The following C18orf54 variants were observed in gnomAD, a reference collection of about 807,000 sequenced individuals.
C18orf54 encodes lung adenoma susceptibility protein 2.
A neutral mutation model predicts 49.3 loss-of-function variants in C18orf54; 49 were observed. The observed-to-expected ratio is 0.99, with a 90% CI of 0.79 to 1.26. C18orf54 has a LOEUF of 1.26. C18orf54 is among the 50% of genes most tolerant of loss of function. The pLI is 0.00. For missense variants in C18orf54, 687 were observed against 620.6 expected (o/e 1.11, Z -1.14); for synonymous variants, 211 against 216.6 (o/e 0.97, Z 0.23).
At chr18:54,364,195 C>G (rs949708780) in intron 5 of C18orf54, among the ~76,000 whole-genome samples, 2 of 151,790 alleles carry the variant, frequency 1.3e-5, no homozygotes, top group African/African-American at 4.8e-5. Context: ...TGCTTAACTT[C>G]TCTTATCCTT....
chr18:54,367,277 TGTA>T (rs1380452515), intron 6 of C18orf54, among the ~76,000 whole-genome samples: 1 of 152,160 alleles, frequency 6.6e-6, no homozygotes, highest in Non-Finnish European at 1.5e-5. Context: ...GGTAGTTTTC[TGTA>T]GTAATGTTTT....
At position 54,381,681 on chromosome 18, in the gene C18orf54, G is replaced by C. The variant is rs926904352; in HGVS notation, c.*3435G>C. 2 of 151,950 alleles carry C rather than the reference G, an allele frequency of 1.3e-5. No homozygotes were observed. Among genetic ancestry groups the C allele is most frequent in the Admixed American group, 1.3e-4 (2 of 15,248 alleles). 9.4% of individuals were successfully genotyped at this position (151,950 alleles called of 1,614,324 possible). A position where few individuals can be genotyped will look rare whatever the true frequency, so the allele number is the denominator to read the frequency against. ...ACTCTTACATTTCTTTAAAGCTCTG[G>C]CCAAGTATTTTATTTCGTCCCTAAA... On this transcript the variant is annotated 3_prime_UTR_variant, in exon 9 of 9. Transcript: ENST00000620105.
Position 54,365,799 on chromosome 18 carries a change from A to G in C18orf54, c.1304A>G (p.Asp435Gly). Residue 435 changes from aspartate (D) to glycine (G), a missense_variant, in exon 6 of 9, where the codon GAC (aspartate) becomes GGC (glycine). By Grantham distance (94) the Asp-to-Gly change is moderately conservative (BLOSUM62 -1). Transcript: ENST00000620105. ...AAGAGTGCTAAAGGGGTTCTTGAAG[A>G]CTTTCTAAATAATGATAATCAGGTG... ...RAKSAKGVLE[D>G]FLNNDNQSCT... 1 of 1,580,232 alleles carries G rather than the reference A, an allele frequency of 6.3e-7. No homozygotes were observed. Among genetic ancestry groups the G allele is most frequent in the Non-Finnish European group, 8.6e-7 (1 of 1,157,478 alleles).
intron 5 of C18orf54, 25 bp downstream of exon 5, chr18:54,362,946 T>C (rs2089302259): frequency 2.5e-6 from 4 of 1,570,314 alleles, no homozygotes; most frequent in African/African-American, 1.4e-5. Flanking sequence ...ATGGAAAAAC[T>C]GTTTAGTTTT....
Position 54,378,261 on chromosome 18 carries a change from C to G in C18orf54, c.*15C>G. 1 of 1,605,640 alleles carries G rather than the reference C, an allele frequency of 6.2e-7. No homozygotes were observed. The highest frequency in any genetic ancestry group is 8.5e-7 in the Non-Finnish European group (1 of 1,172,724). On this transcript the variant is annotated 3_prime_UTR_variant, in exon 9 of 9. Coordinates refer to ENST00000620105, the MANE Select transcript of C18orf54 (RefSeq NM_001288980.2). ...CGAAAATGTGAAGAGGAAAATGAAA[C>G]TGTCACCACAATGAATAGTCACCAC...
chr18:54,363,436 G>C (rs1216396530), intron 5 of C18orf54, among the ~76,000 whole-genome samples: 1 of 152,102 alleles, frequency 6.6e-6, no homozygotes. Context: ...TCCTGCCTCA[G>C]CCTCCCCAGT....
At position 54,360,651 on chromosome 18, in the gene C18orf54, A is replaced by G. The variant is rs1380435451; in HGVS notation, c.79A>G (p.Ser27Gly). Residue 27 changes from serine to glycine, a missense_variant, in exon 3 of 9, where the codon AGT becomes GGT. Ser to Gly is a moderately conservative substitution (Grantham distance 56). Coordinates refer to ENST00000620105, the MANE Select transcript of C18orf54 (RefSeq NM_001288980.2). ...VSALLASCTL[S>G]GSNSSNSDGS... ...TGCCCTGCTGGCAAGCTGCACCCTG[A>G]GTGGTAGTAATTCCTCTAATTCTGA... The G allele has an allele frequency of 6.2e-7, 1 of 1,614,058 alleles. No individual in the cohort carries two copies. The highest frequency in any genetic ancestry group is 8.5e-7 in the Non-Finnish European group (1 of 1,179,922).
At chr18:54,372,740 T>C (rs564628546) in intron 7 of C18orf54, 143 bp downstream of exon 7, 1 of 682,928 alleles carries the variant, frequency 1.5e-6, no homozygotes, top group Non-Finnish European at 2.3e-6. Flanking sequence ...AGTTTTTTTT[T>C]GTTAGGAAGT....
chr18:54,374,425 T>TA, intron 8 of C18orf54, 141 bp downstream of exon 8: 1 of 518,334 alleles, frequency 1.9e-6, no homozygotes, highest in Non-Finnish European at 2.7e-6. Flanking sequence ...CTGTTTACAC[T>TA]AAAAAACATT....
chr18:54,378,507 A>C lies in C18orf54; in HGVS notation c.*261A>C. 1 of 247,020 alleles carries C rather than the reference A, an allele frequency of 4.0e-6. No individual in the cohort carries two copies. Among genetic ancestry groups the C allele is most frequent in the East Asian group, 7.6e-5 (1 of 13,166 alleles). The allele number at this position is 247,020 out of a possible 1,614,324, so 15.3% of individuals were successfully genotyped here. A position where few individuals can be genotyped will look rare whatever the true frequency, so the allele number is the denominator to read the frequency against. The stretch of plus-strand genomic sequence containing the variant: ...TCTTACTTTCGCCTTCTGGCCAGCA[A>C]ATGTCTAATATTTAAAGATGGATGA... On this transcript the variant is annotated 3_prime_UTR_variant, in exon 9 of 9. Coordinates refer to ENST00000620105, the MANE Select transcript of C18orf54 (RefSeq NM_001288980.2).
chr18:54,360,497 G>A (rs1481345377), intron 2 of C18orf54, 30 bp from the exon 3 acceptor site: 6 of 1,438,916 alleles, frequency 4.2e-6, no homozygotes, highest in Admixed American at 2.0e-5. Context: ...CTTTTAATTG[G>A]CATCTTAACA....
At chr18:54,369,069 G>A (rs1309407605) in intron 6 of C18orf54, among the ~76,000 whole-genome samples, 1 of 152,148 alleles carries the variant, frequency 6.6e-6, no homozygotes, top group Non-Finnish European at 1.5e-5. Flanking sequence ...CTAGGCATTA[G>A]TTGTGCTGAG....
intron 6 of C18orf54, among the ~76,000 whole-genome samples, chr18:54,368,004 A>C (rs1168841901): frequency 6.6e-6 from 1 of 151,796 alleles, no homozygotes; most frequent in East Asian, 1.9e-4. Flanking sequence ...CATTCATCGA[A>C]TTCTTCACTG....
intron 6 of C18orf54, among the ~76,000 whole-genome samples, chr18:54,367,025 C>A (rs1467567349): frequency 6.6e-6 from 1 of 152,082 alleles, no homozygotes; most frequent in East Asian, 1.9e-4. Context: ...TTTCTCCATT[C>A]ATTCACTTTA....
chr18:54,372,394 A>C, intron 6 of C18orf54, 72 bp from the exon 7 acceptor site: 2 of 1,272,274 alleles, frequency 1.6e-6, no homozygotes, highest in South Asian at 2.5e-5. Context: ...TGGGGAAATT[A>C]ATACAAAATA....
Position 54,379,976 on chromosome 18 carries a change from C to T in C18orf54, c.*1730C>T, listed in dbSNP as rs1456467065. 1 of 151,990 alleles carries T rather than the reference C, an allele frequency of 6.6e-6. No homozygotes were observed. Among genetic ancestry groups the T allele is most frequent in the Non-Finnish European group, 1.5e-5 (1 of 67,926 alleles). 9.4% of individuals were successfully genotyped at this position (151,990 alleles called of 1,614,324 possible). A position where few individuals can be genotyped will look rare whatever the true frequency, so the allele number is the denominator to read the frequency against. On this transcript the variant is annotated 3_prime_UTR_variant, in exon 9 of 9. Transcript: ENST00000620105. ...ATAAGCCTGTTCTAAAATCTTATAG[C>T]CAGTATTTTAAGAAACTTGATTATA... is the stretch of plus-strand genomic sequence containing the variant.
At chr18:54,371,243 G>A (rs1365640968) in intron 6 of C18orf54, among the ~76,000 whole-genome samples, 1 of 152,026 alleles carries the variant, frequency 6.6e-6, no homozygotes, top group Non-Finnish European at 1.5e-5. Context: ...AATCATATGT[G>A]TATCTTGTTG....
At chr18:54,372,399 A>C in intron 6 of C18orf54, 67 bp from the exon 7 acceptor site, 1 of 1,307,110 alleles carries the variant, frequency 7.7e-7, no homozygotes, top group Non-Finnish European at 1.0e-6. Flanking sequence ...AAATTAATAC[A>C]AAATAAAACT....
chr18:54,381,539 G>A lies in C18orf54; in HGVS notation c.*3293G>A, dbSNP rs1352662497. On this transcript the variant is annotated 3_prime_UTR_variant, in exon 9 of 9. Coordinates refer to ENST00000620105, the MANE Select transcript of C18orf54 (RefSeq NM_001288980.2). The stretch of plus-strand genomic sequence containing the variant: ...CTTACTGATTTGTTTCAGCAAATTT[G>A]CTTTAGTTAAATTGCTTTACTCAGA... 6.6e-6 allele frequency: 1 copy of A among 152,194 alleles called. No homozygotes were observed. Among genetic ancestry groups the A allele is most frequent in the Non-Finnish European group, 1.5e-5 (1 of 68,036 alleles). The allele number at this position is 152,194 out of a possible 1,614,324, so 9.4% of individuals were successfully genotyped here. A position where few individuals can be genotyped will look rare whatever the true frequency, so the allele number is the denominator to read the frequency against.
Sources: allele counts gnomAD v4.1 joint callset (sites outside exome capture counted in the v4.1 genomes callset), GRCh38; gene constraint gnomAD v4.1.1; transcripts MANE v1.5; gene names NCBI Gene and HGNC (gene_info 2026-07-23, HGNC 2026-07-21).